RCL1: variants seen among roughly 807,000 people sequenced by gnomAD.
The protein encoded by RCL1 is RNA terminal phosphate cyclase like 1, also known as RNA 3'-terminal phosphate cyclase-like protein.
RCL1 carries 24 observed loss-of-function variants against 42.4 expected under a neutral mutation model. That is an observed-to-expected ratio of 0.57 (90% CI 0.41 to 0.80). The LOEUF is 0.80. RCL1 is among the 30% of genes least tolerant of loss of function. RCL1 has a pLI of 0.00. For missense variants in RCL1, 578 were observed against 467.9 expected, an observed-to-expected ratio of 1.24 and a Z score of -2.17; for synonymous variants, 228 against 177.3, an observed-to-expected ratio of 1.29 and a Z score of -2.27.
intron 1 of RCL1, among the ~76,000 whole-genome samples, chr9:4,813,964 C>T (rs931532368): frequency 2.6e-5 from 4 of 152,108 alleles, no homozygotes; most frequent in Non-Finnish European, 5.9e-5. Context: ...TGCATGTTCT[C>T]ACTCATAGGT....
intron 3 of RCL1, 196 bp downstream of exon 3, chr9:4,827,229 A>T: frequency 6.6e-7 from 1 of 1,508,122 alleles, no homozygotes; most frequent in Admixed American, 2.2e-5. Flanking sequence ...ATTCAGGACT[A>T]TTGTTAACAG....
Position 4,860,853 on chromosome 9 carries a change from C to T in RCL1, c.*578C>T, listed in dbSNP as rs1453414945. On this transcript the variant is annotated 3_prime_UTR_variant, in exon 9 of 9. Transcript: ENST00000381750. ...CATGGACACGGACACGGATCTTCATCTGGTTCATTGTATTTATATGTGAGG... is the reference window on the plus strand; with the variant it reads ...CATGGACACGGACACGGATCTTCATTTGGTTCATTGTATTTATATGTGAGG... 1 of 152,258 alleles carries T rather than the reference C, an allele frequency of 6.6e-6. No homozygotes were observed. Among genetic ancestry groups the T allele is most frequent in the African/African-American group, 2.4e-5 (1 of 41,452 alleles). 9.4% of individuals were successfully genotyped at this position (152,258 alleles called of 1,614,324 possible).
intron 4 of RCL1, 61 bp from the exon 5 acceptor site, chr9:4,834,080 G>T (rs982951603): frequency 1.3e-6 from 2 of 1,570,850 alleles, no homozygotes; most frequent in Admixed American, 1.8e-5. Flanking sequence ...CCTGGGCAGG[G>T]TGTCAGGGTA....
chr9:4,813,143 G>A (rs903203940), intron 1 of RCL1, among the ~76,000 whole-genome samples: 7 of 152,090 alleles, frequency 4.6e-5, no homozygotes, highest in Admixed American at 1.3e-4. Context: ...GCATCCTTGA[G>A]TTGTTCCAGA....
intron 1 of RCL1, among the ~76,000 whole-genome samples, chr9:4,809,241 A>G (rs1816083336): frequency 6.6e-6 from 1 of 152,108 alleles, no homozygotes. Context: ...TCTTACATAT[A>G]TCCTAACATT....
At chr9:4,834,565 A>G (rs1415674134) in intron 5 of RCL1, among the ~76,000 whole-genome samples, 2 of 150,172 alleles carry the variant, frequency 1.3e-5, no homozygotes, top group Admixed American at 6.7e-5. Flanking sequence ...TTTGGGGGCC[A>G]TGAATATACT....
At chr9:4,857,029 C>G (rs1321429316) in intron 8 of RCL1, among the ~76,000 whole-genome samples, 1 of 152,166 alleles carries the variant, frequency 6.6e-6, no homozygotes, top group East Asian at 1.9e-4. Flanking sequence ...GGGGTGAGAA[C>G]CAGGATCAGT....
intron 8 of RCL1, among the ~76,000 whole-genome samples, chr9:4,853,879 C>A (rs2129733084): frequency 6.6e-6 from 1 of 152,178 alleles, no homozygotes; most frequent in East Asian, 1.9e-4. Context: ...TTGTTAAACA[C>A]CAACTGAGTG....
intron 1 of RCL1, among the ~76,000 whole-genome samples, chr9:4,806,118 G>T (rs1005492878): frequency 4.7e-5 from 7 of 148,456 alleles, no homozygotes; most frequent in African/African-American, 1.7e-4. Flanking sequence ...TATTTAGGAG[G>T]TTTTTTTTTC....
chr9:4,812,659 T>C (rs1816220040), intron 1 of RCL1, among the ~76,000 whole-genome samples: 1 of 152,152 alleles, frequency 6.6e-6, no homozygotes, highest in Non-Finnish European at 1.5e-5. Context: ...TAGGTTTTTT[T>C]TTCTGTTTCT....
intron 7 of RCL1, among the ~76,000 whole-genome samples, chr9:4,847,556 C>G (rs1817565037): frequency 6.6e-6 from 1 of 152,230 alleles, no homozygotes; most frequent in African/African-American, 2.4e-5. Context: ...CCCTGCTCCA[C>G]TCCACAACTG....
At chr9:4,834,049 G>A in intron 4 of RCL1, 92 bp from the exon 5 acceptor site, 4 of 1,384,640 alleles carry the variant, frequency 2.9e-6, no homozygotes, top group Non-Finnish European at 3.9e-6. Context: ...TTGTAAGGAA[G>A]CATCTGCTGG....
At chr9:4,854,610 A>C (rs911487421) in intron 8 of RCL1, among the ~76,000 whole-genome samples, 1 of 152,104 alleles carries the variant, frequency 6.6e-6, no homozygotes, top group Non-Finnish European at 1.5e-5. Flanking sequence ...ACATGCTTCA[A>C]AAGAGGGGTC....
In RCL1 at chr9:4,793,244, G is replaced by T; in HGVS notation, c.136+17G>T. On this transcript the variant is annotated intron_variant, in intron 1 of 8. Transcript: ENST00000381750. Reference sequence around the variant, plus strand: ...GCCTCCGAGGTAACTTGGTGTGGGCGGCGCGCGGCGTGGGCGCGGGGGCTG... The same window carrying T: ...GCCTCCGAGGTAACTTGGTGTGGGCTGCGCGCGGCGTGGGCGCGGGGGCTG... The T allele has an allele frequency of 7.6e-6, 12 of 1,578,454 alleles. No individual in the cohort carries two copies. The highest frequency in any genetic ancestry group is 1.0e-5 in the Non-Finnish European group (12 of 1,162,000).
chr9:4,794,583 C>A (rs1254390544), intron 1 of RCL1, among the ~76,000 whole-genome samples: 1 of 152,070 alleles, frequency 6.6e-6, no homozygotes, highest in African/African-American at 2.4e-5. Context: ...AGAGAACTTG[C>A]CACTAGCTGG....
rs748947191 is a variant in RCL1 at position 4,826,918 on chromosome 9, G to A, written c.269G>A (p.Ser90Asn). 1.2e-6 allele frequency: 2 copies of A among 1,614,106 alleles called. No individual in the cohort carries two copies. Among genetic ancestry groups the A allele is most frequent in the South Asian group, 2.2e-5 (2 of 91,082 alleles). The change falls in exon 3 of 9, where the codon AGC becomes AAC. Residue 90 changes from serine (S) to asparagine (N), a missense_variant. Ser to Asn is a conservative substitution (Grantham distance 46, BLOSUM62 1). Transcript: ENST00000381750. ...GGTGGATCTGTGGAACATGACTGTA[G>A]CGTCCTTCGTGGCATTGGGTATTAC... ...LYGGSVEHDC[S>N]VLRGIGYYLE...
chr9:4,853,420 C>T (rs544302663), intron 8 of RCL1, among the ~76,000 whole-genome samples: 6 of 151,436 alleles, frequency 4.0e-5, no homozygotes, highest in Admixed American at 6.6e-5. Flanking sequence ...CTCCCAGGTT[C>T]GTGCCATTCT....
intron 1 of RCL1, among the ~76,000 whole-genome samples, chr9:4,811,057 G>C (rs1032987738): frequency 2.9e-4 from 44 of 152,018 alleles, no homozygotes; most frequent in African/African-American, 8.5e-4. Flanking sequence ...TTCAAAATCT[G>C]TTCTAGCTAT....
chr9:4,844,706 G>C, intron 7 of RCL1, 25 bp downstream of exon 7: 1 of 1,597,888 alleles, frequency 6.3e-7, no homozygotes, highest in Non-Finnish European at 8.5e-7. Context: ...TCCTCTGATA[G>C]AGGAGTGACC....
Sources: gnomAD v4.1 joint callset for allele counts (sites outside exome capture counted in the v4.1 genomes callset) on GRCh38, gnomAD v4.1.1 for gene constraint, MANE v1.5 for transcripts, NCBI Gene and HGNC (gene_info 2026-07-23, HGNC 2026-07-21) for gene names.